EDIL3: variants seen among roughly 807,000 people sequenced by gnomAD.
The protein encoded by EDIL3 is EGF like and discoidin domains 3.
Under a neutral mutation model 67.4 loss-of-function variants are expected in EDIL3, and 37 were observed. The observed-to-expected ratio is 0.55, with a 90% confidence interval of 0.42 to 0.72. The LOEUF is 0.72. Ranked by LOEUF, EDIL3 falls within the 30% of genes least tolerant of loss-of-function variation. The pLI, the probability that EDIL3 is intolerant of heterozygous loss-of-function variation, is 0.00. For synonymous variants in EDIL3, 195 were observed against 196.3 expected (o/e 0.99, Z 0.05); for missense variants, 527 against 586.3 (o/e 0.90, Z 1.04).
At chr5:84,340,528 CTCTCTCTATATATA>C (rs1187645400) in intron 1 of EDIL3, among the ~76,000 whole-genome samples, 49 of 71,542 alleles carry the variant, frequency 6.8e-4, no homozygotes, top group African/African-American at 1.7e-3. Flanking sequence ...CTCTCTCTCT[CTCTCTCTATATATA>C]TATATATATA....
chr5:84,230,841 T>C (rs1744563559), intron 2 of EDIL3, among the ~76,000 whole-genome samples: 1 of 145,326 alleles, frequency 6.9e-6, no homozygotes, highest in Non-Finnish European at 1.5e-5. Context: ...CAAAATTTAG[T>C]AGTGATGATT....
chr5:84,275,873 G>A (rs571076007), intron 1 of EDIL3, among the ~76,000 whole-genome samples: 1 of 152,294 alleles, frequency 6.6e-6, no homozygotes, highest in African/African-American at 2.4e-5. Flanking sequence ...TAATTGTTGA[G>A]CATCAACATT....
At chr5:83,988,559 T>C (rs1471595216) in intron 9 of EDIL3, among the ~76,000 whole-genome samples, 1 of 152,120 alleles carries the variant, frequency 6.6e-6, no homozygotes, top group African/African-American at 2.4e-5. Context: ...CAATGGTTTC[T>C]TAGTCATTTA....
intron 1 of EDIL3, among the ~76,000 whole-genome samples, chr5:84,256,113 C>CTATCTATCT (rs1236030182): frequency 1.0e-5 from 1 of 96,662 alleles, no homozygotes; most frequent in African/African-American, 4.2e-5. Flanking sequence ...ATATACTTAT[C>CTATCTATCT]ATCTAACTAT....
chr5:84,140,631 C>T (rs1443800059), intron 4 of EDIL3, among the ~76,000 whole-genome samples: 1 of 151,962 alleles, frequency 6.6e-6, no homozygotes, highest in Non-Finnish European at 1.5e-5. Flanking sequence ...AATGCATTTG[C>T]TGAAATGGAA....
intron 9 of EDIL3, among the ~76,000 whole-genome samples, chr5:84,043,770 A>G: frequency 6.6e-6 from 1 of 152,252 alleles, no homozygotes; most frequent in East Asian, 1.9e-4. Context: ...ATATTATTAG[A>G]AAGATACAGT....
intron 3 of EDIL3, among the ~76,000 whole-genome samples, chr5:84,210,419 A>G (rs1011432389): frequency 6.6e-6 from 1 of 152,142 alleles, no homozygotes; most frequent in Non-Finnish European, 1.5e-5. Flanking sequence ...CTAGAATTAA[A>G]GTTGGACAAA....
chr5:83,963,279 AG>A lies in EDIL3; in HGVS notation c.1218del (p.Ser407ProfsTer50). 6.2e-7 allele frequency: 1 copy of A among 1,610,436 alleles called. No individual in the cohort carries two copies. Among genetic ancestry groups the A allele is most frequent in the Non-Finnish European group, 8.5e-7 (1 of 1,177,732 alleles). On this transcript the variant is annotated frameshift_variant, in exon 10 of 11. Transcript: ENST00000296591. LOFTEE classifies it high-confidence loss of function. ...TCATTGCTGTAAGCCAGTTTGTAGGAGCCAACAAACTGTACATGACCAAAAT... is the reference window on the plus strand; with the variant it reads ...TCATTGCTGTAAGCCAGTTTGTAGGACCAACAAACTGTACATGACCAAAAT... ...AKDFGHVQFV[G>X]SYKLAYSNDG...
chr5:84,080,298 C>CAAAAAAAAAAAAAAAAAAAA (rs369961167), intron 6 of EDIL3, among the ~76,000 whole-genome samples: 2 of 54,274 alleles, frequency 3.7e-5, no homozygotes, highest in African/African-American at 1.7e-4. Context: ...GACTCTGTCT[C>CAAAAAAAAAAAAAAAAAAAA]AAAAAAAAAA....
intron 1 of EDIL3, among the ~76,000 whole-genome samples, chr5:84,310,098 C>G (rs1344619075): frequency 6.6e-6 from 1 of 152,114 alleles, no homozygotes; most frequent in Non-Finnish European, 1.5e-5. Flanking sequence ...AAATTAATAA[C>G]AATTCTGACA....
intron 1 of EDIL3, among the ~76,000 whole-genome samples, chr5:84,267,099 T>C (rs978014623): frequency 1.3e-5 from 2 of 152,318 alleles, no homozygotes; most frequent in South Asian, 2.1e-4. Context: ...ACAAACAACA[T>C]GGCTTCAGAA....
intron 6 of EDIL3, among the ~76,000 whole-genome samples, chr5:84,081,995 C>T (rs942500969): frequency 1.3e-5 from 2 of 152,150 alleles, no homozygotes; most frequent in African/African-American, 2.4e-5. Flanking sequence ...AATGGAATAT[C>T]CAATTACTTT....
chr5:84,096,826 C>G (rs1747273143), intron 6 of EDIL3, among the ~76,000 whole-genome samples: 1 of 152,068 alleles, frequency 6.6e-6, no homozygotes, highest in Non-Finnish European at 1.5e-5. Flanking sequence ...TGGGAGGGAC[C>G]CAGTGAAAGA....
chr5:84,150,776 A>C (rs773312375), intron 4 of EDIL3, among the ~76,000 whole-genome samples: 3 of 152,160 alleles, frequency 2.0e-5, no homozygotes, highest in Non-Finnish European at 4.4e-5. Flanking sequence ...ACTCCTACAT[A>C]TTTATCCAAG....
intron 1 of EDIL3, among the ~76,000 whole-genome samples, chr5:84,317,629 G>A (rs536589070): frequency 6.6e-5 from 10 of 151,826 alleles, no homozygotes; most frequent in Non-Finnish European, 1.3e-4. Context: ...AAAAGTCCAG[G>A]ACCAGATACT....
chr5:84,041,048 T>C (rs1372531104), intron 9 of EDIL3, among the ~76,000 whole-genome samples: 2 of 151,982 alleles, frequency 1.3e-5, no homozygotes, highest in Non-Finnish European at 1.5e-5. Flanking sequence ...GGAGGATCGC[T>C]TGAGTCCGGG....
At chr5:84,019,997 C>G (rs1030564145) in intron 9 of EDIL3, among the ~76,000 whole-genome samples, 1 of 145,338 alleles carries the variant, frequency 6.9e-6, no homozygotes, top group South Asian at 2.2e-4. Flanking sequence ...AATCAGTTAG[C>G]GGAACGTTGC....
In EDIL3 at chr5:84,359,200, T is replaced by G. The variant is rs982717596; in HGVS notation, c.67+25108A>C. 3.3e-5 allele frequency among the ~76,000 whole-genome samples: 5 copies of G among 152,294 alleles called. No homozygotes were observed. The East Asian group carries it at 9.7e-4, about 29-fold the overall frequency. On this transcript the variant is annotated intron_variant, in intron 1 of 10. Coordinates refer to ENST00000296591, the MANE Select transcript of EDIL3 (RefSeq NM_005711.5). Reference sequence around the variant, plus strand: ...ATGAACCATTTATTTGATGAAAACATTACCACACGTATCTGCCTATATAGC... The same window carrying G: ...ATGAACCATTTATTTGATGAAAACAGTACCACACGTATCTGCCTATATAGC...
At chr5:84,271,155 G>A (rs1307135347) in intron 1 of EDIL3, among the ~76,000 whole-genome samples, 3 of 152,126 alleles carry the variant, frequency 2.0e-5, no homozygotes, top group Non-Finnish European at 4.4e-5. Flanking sequence ...AATAAGTATT[G>A]TAATATGAAA....
Sources: gnomAD v4.1 joint callset for allele counts (sites outside exome capture counted in the v4.1 genomes callset) on GRCh38, gnomAD v4.1.1 for gene constraint, MANE v1.5 for transcripts, NCBI Gene and HGNC (gene_info 2026-07-23, HGNC 2026-07-21) for gene names.